SMAD7: variants seen among roughly 807,000 people sequenced by gnomAD.
SMAD7 encodes SMAD family member 7.
In SMAD7, 8 loss-of-function variants were observed where a neutral mutation model predicts 38.7. The ratio of observed to expected loss-of-function variants is 0.21; its 90% CI spans 0.12 to 0.37. SMAD7 has a LOEUF of 0.37. SMAD7 is among the 10% of genes least tolerant of loss of function. The pLI, the probability that SMAD7 is intolerant of heterozygous loss-of-function variation, is 1.00. For synonymous variants in SMAD7, 327 were observed against 265.1 expected (o/e 1.23, Z -2.27); for missense variants, 477 against 577.9 (o/e 0.83, Z 1.79).
At chr18:48,949,280 C>T (rs117529041) in intron 1 of SMAD7, 24,815 of 984,712 alleles carry the variant, frequency 0.025, 355 homozygotes, top group Middle Eastern at 0.035. Flanking sequence ...CAAAGGTGCG[C>T]GGCCACGACA....
chr18:48,930,914 C>T (rs2069992951), intron 3 of SMAD7, among the ~76,000 whole-genome samples: 1 of 152,176 alleles, frequency 6.6e-6, no homozygotes, highest in Admixed American at 6.5e-5. Context: ...TAGAAGCAAG[C>T]CAAGTGTCCA....
chr18:48,927,269 C>T (rs566009668), intron 3 of SMAD7, among the ~76,000 whole-genome samples: 24 of 152,064 alleles, frequency 1.6e-4, no homozygotes, highest in South Asian at 1.0e-3. Context: ...ACAGATCAGA[C>T]GATGAATCCT....
At chr18:48,935,227 T>C (rs1433680702) in intron 3 of SMAD7, among the ~76,000 whole-genome samples, 2 of 151,978 alleles carry the variant, frequency 1.3e-5, no homozygotes, top group African/African-American at 2.4e-5. Context: ...GTGGCCGGGA[T>C]CAGGTGAGTG....
intron 3 of SMAD7, among the ~76,000 whole-genome samples, chr18:48,926,751 A>C (rs997057858): frequency 6.6e-6 from 1 of 152,174 alleles, no homozygotes; most frequent in African/African-American, 2.4e-5. Context: ...CCCAGGCGCC[A>C]CCAACGGTTG....
intron 2 of SMAD7, among the ~76,000 whole-genome samples, chr18:48,945,380 T>A (rs955401313): frequency 6.6e-5 from 10 of 151,832 alleles, no homozygotes; most frequent in African/African-American, 2.2e-4. Context: ...GACAATGGTG[T>A]GAACCCAGGA....
chr18:48,945,808 G>A (rs551843626), intron 2 of SMAD7, among the ~76,000 whole-genome samples: 6 of 152,238 alleles, frequency 3.9e-5, no homozygotes, highest in East Asian at 3.9e-4. Flanking sequence ...AATGAAACAC[G>A]GGAAGCAGAG....
chr18:48,932,111 A>C (rs1386806331), intron 3 of SMAD7, among the ~76,000 whole-genome samples: 1 of 152,094 alleles, frequency 6.6e-6, no homozygotes, highest in Non-Finnish European at 1.5e-5. Context: ...TTACTGATTC[A>C]TGAGGGGGTG....
intron 2 of SMAD7, among the ~76,000 whole-genome samples, chr18:48,943,021 T>C (rs953975261): frequency 6.6e-6 from 1 of 152,222 alleles, no homozygotes. Context: ...AAGATTGATG[T>C]TGGGCTGCCG....
chr18:48,927,038 C>T (rs2069936937), intron 3 of SMAD7, among the ~76,000 whole-genome samples: 1 of 152,234 alleles, frequency 6.6e-6, no homozygotes, highest in African/African-American at 2.4e-5. Context: ...TCTGGGCTAA[C>T]TTTAAGGGGC....
chr18:48,921,365 C>T lies in SMAD7; in HGVS notation c.*7G>A, dbSNP rs1428389313. 2 of 1,606,190 alleles carry T rather than the reference C, an allele frequency of 1.2e-6. No homozygotes were observed. The highest frequency in any genetic ancestry group is 1.7e-5 in the Admixed American group (1 of 59,828). On this transcript the variant is annotated 3_prime_UTR_variant, in exon 4 of 4. Transcript: ENST00000262158. This position sits in a 1 kb window ranked among gnomAD's most constrained non-coding sequence, Gnocchi z 6.4. ...CTCAGCTCACGCTCTGTCCCCTCCG[C>T]ACGCGGCTACCGGCTGTTGAAGATG...
chr18:48,926,496 C>CCAA (rs1423844191), intron 3 of SMAD7, among the ~76,000 whole-genome samples: 1 of 152,234 alleles, frequency 6.6e-6, no homozygotes, highest in Non-Finnish European at 1.5e-5. Flanking sequence ...CTGCCAAAGT[C>CCAA]CAACAGGGCC....
At chr18:48,923,755 G>A (rs986175696) in intron 3 of SMAD7, among the ~76,000 whole-genome samples, 15 of 152,228 alleles carry the variant, frequency 9.9e-5, no homozygotes, top group African/African-American at 2.4e-4. Context: ...ATGTAGCTTG[G>A]AAGTCCAGTG....
At chr18:48,939,525 C>A (rs1403553249) in intron 3 of SMAD7, among the ~76,000 whole-genome samples, 2 of 152,056 alleles carry the variant, frequency 1.3e-5, no homozygotes, top group East Asian at 3.9e-4. Context: ...CTTGGAGTCA[C>A]CCCTGCATTT....
chr18:48,937,194 G>C (rs929507371), intron 3 of SMAD7, among the ~76,000 whole-genome samples: 8 of 151,990 alleles, frequency 5.3e-5, no homozygotes, highest in Non-Finnish European at 1.2e-4. Flanking sequence ...CACCGGCTCT[G>C]AGCTTGCCAC....
At chr18:48,940,415 C>T (rs1659659723) in intron 3 of SMAD7, among the ~76,000 whole-genome samples, 1 of 152,032 alleles carries the variant, frequency 6.6e-6, no homozygotes, top group South Asian at 2.1e-4. Flanking sequence ...ATTGTTTTAC[C>T]CCCAGTTTCT....
At chr18:48,926,464 TG>T in intron 3 of SMAD7, among the ~76,000 whole-genome samples, 1 of 152,192 alleles carries the variant, frequency 6.6e-6, no homozygotes, top group Non-Finnish European at 1.5e-5. Flanking sequence ...GTGAGGCACT[TG>T]GATAATGAAG....
In SMAD7 at chr18:48,932,637, G is replaced by A. The variant is rs905741344; in HGVS notation, c.742+9844C>T. Among the ~76,000 whole-genome samples, 8 of 151,770 alleles carry A rather than the reference G, an allele frequency of 5.3e-5. No individual in the cohort carries two copies. The East Asian group carries it at 7.7e-4, about 15-fold the overall frequency. ...AGCTTGGAAGCCATCGGTTGGCCCC[G>A]GGGGAACAGACAGAGAAGGATGAAT... On this transcript the variant is annotated intron_variant, in intron 3 of 3. Transcript: ENST00000262158.
rs200565317 is a variant in SMAD7, at chr18:48,930,478, G to T, written c.743-8568C>A. 3.6e-4 allele frequency among the ~76,000 whole-genome samples: 55 copies of T among 152,062 alleles called. 1 individual carries two copies. Among genetic ancestry groups the T allele is most frequent in the Non-Finnish European group, 1.5e-4 (10 of 67,998 alleles). ...CAAGGCCCTGGAGTCCAACATACAC[G>T]GCCAGCTGCTCTGTGCTGGGTGCCC... On this transcript the variant is annotated intron_variant, in intron 3 of 3. Transcript: ENST00000262158.
intron 3 of SMAD7, among the ~76,000 whole-genome samples, chr18:48,939,438 C>T (rs1051588622): frequency 6.7e-6 from 1 of 150,190 alleles, no homozygotes; most frequent in African/African-American, 2.5e-5. Flanking sequence ...GCCAGCAGCC[C>T]CGCCCCCGGG....
Sources: gnomAD v4.1 joint callset for allele counts (sites outside exome capture counted in the v4.1 genomes callset) on GRCh38, gnomAD v4.1.1 for gene constraint, Gnocchi (gnomAD v3.1) non-coding constraint, MANE v1.5 for transcripts, NCBI Gene and HGNC (gene_info 2026-07-23, HGNC 2026-07-21) for gene names.